The following MC2R variants were observed in gnomAD, a reference collection of about 807,000 sequenced individuals.
MC2R encodes adrenocorticotropic hormone receptor.
Under a neutral mutation model 9.8 loss-of-function variants are expected in MC2R, and 9 were observed. That is an observed-to-expected ratio of 0.92 (90% CI 0.55 to 1.60). The LOEUF (loss-of-function observed/expected upper bound fraction) is 1.60, where lower values mean the gene tolerates loss of function less well. MC2R is among the 40% of genes most tolerant of loss of function. MC2R has a pLI of 0.00. For synonymous variants in MC2R, 185 were observed against 154.7 expected, an observed-to-expected ratio of 1.20 and a Z score of -1.45; for missense variants, 370 against 389.0, an observed-to-expected ratio of 0.95 and a Z score of 0.41.
chr18:13,884,622 A>G lies in MC2R; in HGVS notation c.*3T>C. The G allele has an allele frequency of 6.2e-7, 1 of 1,612,046 alleles. No homozygotes were observed. The highest frequency in any genetic ancestry group is 1.1e-5 in the South Asian group (1 of 91,026). On this transcript the variant is annotated 3_prime_UTR_variant, in exon 2 of 2. Coordinates refer to ENST00000327606, the MANE Select transcript of MC2R (RefSeq NM_000529.2). ...TGGATTCTAAAACCAGGGATCAGCC[A>G]TTCTACCAGTACCTGCTGCAGAAGA...
At chr18:13,908,227 A>G (rs2045424731) in intron 1 of MC2R, among the ~76,000 whole-genome samples, 1 of 152,240 alleles carries the variant, frequency 6.6e-6, no homozygotes, top group South Asian at 2.1e-4. Context: ...TTGCAGAAAC[A>G]TGAGTGGAAC....
At position 13,883,625 on chromosome 18, in the gene MC2R, ACACTCTCTCTCTCTCT is replaced by A. The variant is rs2045250826; in HGVS notation, c.*984_*999del. 2 of 42,414 alleles carry A rather than the reference ACACTCTCTCTCTCTCT, an allele frequency of 4.7e-5. No homozygotes were observed. The highest frequency in any genetic ancestry group is 1.4e-4 in the African/African-American group (2 of 13,976). 2.6% of individuals were successfully genotyped at this position (42,414 alleles called of 1,614,324 possible). ...CACACACACACACACACACACACAC[ACACTCTCTCTCTCTCT>A]CTCTCTCTCTCTCTCTGTCTGTCTC... On this transcript the variant is annotated 3_prime_UTR_variant, in exon 2 of 2. Transcript: ENST00000327606.
chr18:13,885,700 C>CCT, intron 1 of MC2R, 54 bp from the exon 2 acceptor site: 4 of 652,680 alleles, frequency 6.1e-6, no homozygotes, highest in Non-Finnish European at 1.1e-5. Context: ...AAAATAAAAA[C>CCT]CAGCCACACT....
chr18:13,913,308 A>T (rs898592091), intron 1 of MC2R, among the ~76,000 whole-genome samples: 5 of 152,058 alleles, frequency 3.3e-5, no homozygotes, highest in African/African-American at 1.2e-4. Flanking sequence ...GGCTTCCTCC[A>T]CGGTGCCTTC....
At chr18:13,901,034 A>G (rs908331216) in intron 1 of MC2R, among the ~76,000 whole-genome samples, 1 of 152,180 alleles carries the variant, frequency 6.6e-6, no homozygotes, top group Admixed American at 6.5e-5. Context: ...AAAAATTGAA[A>G]TAATGTCAAG....
chr18:13,885,068 G>GCACCA lies in MC2R; in HGVS notation c.446_450dup (p.Leu151TrpfsTer18). On this transcript the variant is annotated frameshift_variant, in exon 2 of 2. Transcript: ENST00000327606. LOFTEE classifies it high-confidence loss of function. The stretch of plus-strand genomic sequence containing the variant: ...GTGCAGAACGTCCAGATGACCGTAA[G>GCACCA]CACCACCACAGTGCGGCGCATGGTC... 6.2e-7 allele frequency: 1 copy of GCACCA among 1,614,170 alleles called. No homozygotes were observed. Among genetic ancestry groups the GCACCA allele is most frequent in the Non-Finnish European group, 8.5e-7 (1 of 1,180,040 alleles).
At chr18:13,911,294 C>G (rs185288012) in intron 1 of MC2R, among the ~76,000 whole-genome samples, 2 of 152,290 alleles carry the variant, frequency 1.3e-5, no homozygotes, top group East Asian at 3.9e-4. Flanking sequence ...GATAAAGAAA[C>G]TCCATCAAGT....
At chr18:13,891,880 T>G (rs2045317595) in intron 1 of MC2R, among the ~76,000 whole-genome samples, 1 of 152,202 alleles carries the variant, frequency 6.6e-6, no homozygotes, top group African/African-American at 2.4e-5. Flanking sequence ...TATTACTGAT[T>G]AGTGCTTCTA....
At chr18:13,896,980 C>T (rs1207721783) in intron 1 of MC2R, among the ~76,000 whole-genome samples, 2 of 152,196 alleles carry the variant, frequency 1.3e-5, no homozygotes, top group Admixed American at 6.5e-5. Flanking sequence ...GAATAGAAGG[C>T]TCCACTGATT....
chr18:13,912,210 G>A (rs2045448706), intron 1 of MC2R, among the ~76,000 whole-genome samples: 1 of 152,178 alleles, frequency 6.6e-6, no homozygotes, highest in Non-Finnish European at 1.5e-5. Context: ...GTTAAAGGTT[G>A]GAGACAGGGC....
chr18:13,898,312 G>C (rs1178282534), intron 1 of MC2R, among the ~76,000 whole-genome samples: 2 of 152,182 alleles, frequency 1.3e-5, no homozygotes, highest in Non-Finnish European at 2.9e-5. Context: ...ACGGGTGAGT[G>C]GGAAAGACTG....
At chr18:13,897,560 C>G (rs2045353820) in intron 1 of MC2R, among the ~76,000 whole-genome samples, 1 of 152,094 alleles carries the variant, frequency 6.6e-6, no homozygotes, top group South Asian at 2.1e-4. Flanking sequence ...CTGGCATCAC[C>G]TCTCCTCTAA....
At chr18:13,911,990 T>A (rs1490756457) in intron 1 of MC2R, among the ~76,000 whole-genome samples, 1 of 152,108 alleles carries the variant, frequency 6.6e-6, no homozygotes, top group Non-Finnish European at 1.5e-5. Context: ...TCAGAACTGC[T>A]CCATGGTGTG....
intron 1 of MC2R, among the ~76,000 whole-genome samples, chr18:13,886,230 T>C (rs1013989502): frequency 1.3e-5 from 2 of 152,216 alleles, no homozygotes; most frequent in Admixed American, 1.3e-4. Context: ...AAAATATATA[T>C]AAAGTGTTGT....
At chr18:13,890,907 T>C (rs12954832) in intron 1 of MC2R, among the ~76,000 whole-genome samples, 23,263 of 152,162 alleles carry the variant, frequency 0.15, 2,397 homozygotes, top group Middle Eastern at 0.24. Flanking sequence ...GCAATGCCTG[T>C]CAAGGATGAA....
chr18:13,901,023 A>G (rs529946137), intron 1 of MC2R, among the ~76,000 whole-genome samples: 2 of 152,286 alleles, frequency 1.3e-5, no homozygotes, highest in East Asian at 3.8e-4. Context: ...AAAACATTCA[A>G]AAAAATTGAA....
intron 1 of MC2R, among the ~76,000 whole-genome samples, chr18:13,892,605 C>T (rs1233406793): frequency 6.6e-6 from 1 of 151,500 alleles, no homozygotes; most frequent in Non-Finnish European, 1.5e-5. Flanking sequence ...ATTTGAAGGA[C>T]TTGTAATAAA....
intron 1 of MC2R, among the ~76,000 whole-genome samples, chr18:13,906,147 C>G (rs917584306): frequency 1.3e-5 from 2 of 152,172 alleles, no homozygotes; most frequent in African/African-American, 4.8e-5. Context: ...TATTGCAGCA[C>G]TATTTACAAT....
intron 1 of MC2R, among the ~76,000 whole-genome samples, chr18:13,905,852 T>C (rs1403456913): frequency 6.6e-6 from 1 of 151,384 alleles, no homozygotes; most frequent in African/African-American, 2.4e-5. Context: ...TGCCAAGAGA[T>C]CGAGACCATC....
Sources: allele counts gnomAD v4.1 joint callset (sites outside exome capture counted in the v4.1 genomes callset), GRCh38; gene constraint gnomAD v4.1.1; transcripts MANE v1.5; gene names NCBI Gene and HGNC (gene_info 2026-07-23, HGNC 2026-07-21).